The following WWTR1 variants were observed in gnomAD, a reference collection of about 807,000 sequenced individuals.
WWTR1 encodes the protein WW domain containing transcription regulator 1.
Under a neutral mutation model 40.1 loss-of-function variants are expected in WWTR1, and 13 were observed. That is an observed-to-expected ratio of 0.32 (90% CI 0.21 to 0.52). The LOEUF is 0.52. Among genes scored for constraint, WWTR1 ranks in the 20% least tolerant of loss-of-function variants. The probability of loss-of-function intolerance (pLI) is 0.97; values close to 1 mark genes in which losing one functional copy is unlikely to be tolerated. For missense variants in WWTR1, 436 were observed against 523.1 expected (o/e 0.83, Z 1.63); for synonymous variants, 230 against 210.1 (o/e 1.09, Z -0.82).
At chr3:149,679,647 A>T (rs1391693877) in intron 1 of WWTR1, among the ~76,000 whole-genome samples, 2 of 104,332 alleles carry the variant, frequency 1.9e-5, no homozygotes, top group South Asian at 5.3e-4. Flanking sequence ...AATGGTGGGA[A>T]AAAAAAAAAA....
intron 1 of WWTR1, among the ~76,000 whole-genome samples, chr3:149,679,563 A>G (rs1033116205): frequency 6.6e-6 from 1 of 152,178 alleles, no homozygotes; most frequent in Admixed American, 6.5e-5. Flanking sequence ...TTAGATAAAT[A>G]TCATTATGCC....
intron 4 of WWTR1, among the ~76,000 whole-genome samples, chr3:149,536,263 G>A (rs751577082): frequency 1.3e-5 from 2 of 152,108 alleles, no homozygotes; most frequent in Non-Finnish European, 2.9e-5. Flanking sequence ...AAGCTTATAT[G>A]GAGGGATTTA....
chr3:149,591,094 C>A (rs965045409), intron 2 of WWTR1, among the ~76,000 whole-genome samples: 2 of 151,810 alleles, frequency 1.3e-5, no homozygotes, highest in Admixed American at 6.6e-5. Flanking sequence ...TCCATGTGAT[C>A]CTGTAGTTGT....
At chr3:149,637,073 G>A (rs1329497029) in intron 2 of WWTR1, among the ~76,000 whole-genome samples, 2 of 150,418 alleles carry the variant, frequency 1.3e-5, no homozygotes, top group East Asian at 3.9e-4. Flanking sequence ...TAAAGGACAA[G>A]TACTCTCTAT....
chr3:149,612,391 T>C (rs1739775905), intron 2 of WWTR1, among the ~76,000 whole-genome samples: 1 of 151,312 alleles, frequency 6.6e-6, no homozygotes, highest in Non-Finnish European at 1.5e-5. Context: ...AAAAAAAAAC[T>C]CCACCTACCA....
chr3:149,711,543 T>A (rs2108231313), intron 5 of WWTR1, among the ~76,000 whole-genome samples: 1 of 152,276 alleles, frequency 6.6e-6, no homozygotes, highest in Admixed American at 6.5e-5. Flanking sequence ...TACAACCTGA[T>A]CACTAGTTTC....
At chr3:149,634,224 T>C (rs943829011) in intron 2 of WWTR1, among the ~76,000 whole-genome samples, 1 of 152,214 alleles carries the variant, frequency 6.6e-6, no homozygotes, top group African/African-American at 2.4e-5. Context: ...TGTGCGGCTT[T>C]GGTCAAGTTC....
At chr3:149,630,310 T>C (rs1711513733) in intron 2 of WWTR1, among the ~76,000 whole-genome samples, 1 of 152,180 alleles carries the variant, frequency 6.6e-6, no homozygotes, top group South Asian at 2.1e-4. Context: ...AAAATTACAG[T>C]CTGTCATTTT....
intron 2 of WWTR1, 63 bp downstream of exon 2, chr3:149,656,813 A>ACACACACACC: frequency 7.0e-7 from 1 of 1,430,600 alleles, no homozygotes; most frequent in Non-Finnish European, 9.2e-7. Flanking sequence ...ACACACACAC[A>ACACACACACC]CGAACACACG....
chr3:149,645,369 ACGC>A (rs1712457965), intron 2 of WWTR1, among the ~76,000 whole-genome samples: 2 of 151,966 alleles, frequency 1.3e-5, no homozygotes, highest in Non-Finnish European at 2.9e-5. Flanking sequence ...GTGAGCCACC[ACGC>A]CTGGCCCCAG....
chr3:149,645,594 C>T (rs932415218), intron 2 of WWTR1, among the ~76,000 whole-genome samples: 9 of 152,252 alleles, frequency 5.9e-5, no homozygotes, highest in East Asian at 1.9e-4. Flanking sequence ...GTAAAAGTTA[C>T]GTTTGTTCAT....
chr3:149,723,213 A>C (rs552227020), intron 4 of WWTR1, among the ~76,000 whole-genome samples: 214 of 108,094 alleles, frequency 2.0e-3, no homozygotes, highest in Admixed American at 3.0e-3. Flanking sequence ...TTTGAGACAG[A>C]GTTTTGCTCC....
At position 149,600,140 on chromosome 3, in the gene WWTR1, G is replaced by A. The variant is rs759327702; in HGVS notation, c.432-27140C>T. On this transcript the variant is annotated intron_variant, in intron 2 of 6. Transcript: ENST00000360632. ...ATTGTCTATAAAGGACTTGAGCGTCGTCAAATTTTTGTATCTTCCAGGGTC... is the reference window on the plus strand; with the variant it reads ...ATTGTCTATAAAGGACTTGAGCGTCATCAAATTTTTGTATCTTCCAGGGTC... Among the ~76,000 whole-genome samples the A allele has an allele frequency of 7.6e-4, 115 of 152,100 alleles. 1 individual carries two copies. The highest frequency in any genetic ancestry group is 2.5e-4 in the Non-Finnish European group (17 of 68,026).
intron 5 of WWTR1, among the ~76,000 whole-genome samples, chr3:149,714,131 G>C (rs1715541710): frequency 1.3e-5 from 2 of 152,328 alleles, no homozygotes; most frequent in Admixed American, 6.5e-5. Context: ...GGCGGAGCTG[G>C]GCCTGGGGCG....
intron 2 of WWTR1, among the ~76,000 whole-genome samples, chr3:149,629,399 T>A (rs1209532672): frequency 1.3e-5 from 2 of 152,224 alleles, no homozygotes; most frequent in African/African-American, 4.8e-5. Flanking sequence ...ATCTAAGAAC[T>A]AGGTCAGTAT....
At chr3:149,557,898 G>A (rs1736902532) in intron 3 of WWTR1, among the ~76,000 whole-genome samples, 1 of 151,476 alleles carries the variant, frequency 6.6e-6, no homozygotes, top group African/African-American at 2.4e-5. Flanking sequence ...TGCTACTGGG[G>A]AGGCTGAGGC....
chr3:149,568,522 G>T (rs1737444309), intron 3 of WWTR1, among the ~76,000 whole-genome samples: 1 of 13,080 alleles, frequency 7.6e-5, no homozygotes, highest in Non-Finnish European at 1.5e-4. Context: ...GAATTAAAGT[G>T]CAAAAAAAAA....
chr3:149,682,120 C>G (rs1277234155), intron 1 of WWTR1, among the ~76,000 whole-genome samples: 1 of 152,086 alleles, frequency 6.6e-6, no homozygotes, highest in Admixed American at 6.6e-5. Context: ...GAAGTAAGTA[C>G]CGTAGACTGA....
chr3:149,581,157 A>G (rs1218448247), intron 2 of WWTR1, among the ~76,000 whole-genome samples: 1 of 152,168 alleles, frequency 6.6e-6, no homozygotes, highest in Non-Finnish European at 1.5e-5. Flanking sequence ...CTTTGTCCCA[A>G]GGCAGCTTTT....
Sources: allele counts gnomAD v4.1 joint callset (sites outside exome capture counted in the v4.1 genomes callset), GRCh38; gene constraint gnomAD v4.1.1; transcripts MANE v1.5; gene names NCBI Gene and HGNC (gene_info 2026-07-23, HGNC 2026-07-21).